The following CEP72 variants were observed in gnomAD, a reference collection of about 807,000 sequenced individuals.
CEP72 encodes the protein centrosomal protein 72, also known as centrosomal protein of 72 kDa.
A neutral mutation model predicts 65.7 loss-of-function variants in CEP72; 78 were observed. The ratio of observed to expected loss-of-function variants is 1.19; its 90% CI spans 0.99 to 1.43. CEP72 has a LOEUF of 1.43. Ranked by LOEUF, CEP72 falls within the 40% of genes most tolerant of loss-of-function variation. The probability of loss-of-function intolerance (pLI) is 0.00; values close to 1 mark genes in which losing one functional copy is unlikely to be tolerated. For synonymous variants in CEP72, 358 were observed against 351.7 expected (o/e 1.02, Z -0.20); for missense variants, 914 against 832.9 (o/e 1.10, Z -1.20).
At position 620,174 on chromosome 5, in the gene CEP72, G is replaced by A. The variant is rs144726752; in HGVS notation, c.316G>A (p.Val106Met). 11 of 1,614,078 alleles carry A rather than the reference G, an allele frequency of 6.8e-6. No homozygotes were observed. In the African/African-American group the frequency reaches 1.5e-4, roughly 22 times the overall value. Reference protein sequence around the residue: ...RLHALTELVDVDFRLNPVVKV... With the variant: ...RLHALTELVDMDFRLNPVVKV... ...CCACGCCTTAACCGAGCTCGTGGAT[G>A]TGGACTTCCGGCTGAACCCCGTGGT... Residue 106 changes from valine to methionine, a missense_variant, in exon 3 of 12, where the codon GTG (valine) becomes ATG (methionine). Physicochemically the swap from Val to Met is conservative, Grantham distance 21. Coordinates refer to ENST00000264935, the MANE Select transcript of CEP72 (RefSeq NM_018140.4).
At chr5:622,358 C>G (rs1199672387) in intron 3 of CEP72, among the ~76,000 whole-genome samples, 2 of 152,240 alleles carry the variant, frequency 1.3e-5, no homozygotes, top group Non-Finnish European at 2.9e-5. Context: ...TTTGCTCTTG[C>G]AGGAGCTCAG....
Position 649,995 on chromosome 5 carries a change from C to T in CEP72, c.1778+2079C>T, listed in dbSNP as rs1268218223. 6.2e-3 allele frequency among the ~76,000 whole-genome samples: 211 copies of T among 34,278 alleles called. 2 individuals are homozygous for T. The highest frequency in any genetic ancestry group is 0.021 in the African/African-American group (149 of 7,218). The allele number at this position is 34,278 out of a possible 152,430, so 22.5% of individuals were successfully genotyped here. On this transcript the variant is annotated intron_variant, in intron 11 of 11. Transcript: ENST00000264935. Reference sequence around the variant, plus strand: ...GTGAGGTGTGACTGTGAGGCGTGGACTGTGAGGCGTGGACTGTGAGGTGTG... The same window carrying T: ...GTGAGGTGTGACTGTGAGGCGTGGATTGTGAGGCGTGGACTGTGAGGTGTG...
At chr5:675,329 T>C in the CEP72 span, among the ~76,000 whole-genome samples, 1 of 28,152 alleles carries the variant, frequency 3.6e-5, no homozygotes, top group Admixed American at 5.4e-4. Flanking sequence ...TGGCCGGGGG[T>C]GCAGTGTGGC....
chr5:641,547 A>G (rs1371649726), intron 9 of CEP72: 22 of 984,988 alleles, frequency 2.2e-5, no homozygotes, highest in Non-Finnish European at 2.7e-5. Flanking sequence ...AAAACAACAC[A>G]GGCAGCCTCT....
chr5:638,708 C>T (rs1392832737), intron 7 of CEP72, among the ~76,000 whole-genome samples: 4 of 152,154 alleles, frequency 2.6e-5, no homozygotes, highest in South Asian at 2.1e-4. Flanking sequence ...GCGCCTGGCA[C>T]CCTCTACCAG....
At position 645,969 on chromosome 5, in the gene CEP72, T is replaced by A. The variant is rs1738392618; in HGVS notation, c.1666+1544T>A. Among the ~76,000 whole-genome samples, 4 of 151,838 alleles carry A rather than the reference T, an allele frequency of 2.6e-5. No homozygotes were observed. The highest frequency in any genetic ancestry group is 2.6e-4 in the Admixed American group (4 of 15,254). ...CACTCCTGCTCCCGTTGGCGCCCTG[T>A]GTGGATGGTGAATTCGGCTTCCTTA... On this transcript the variant is annotated intron_variant, in intron 10 of 11. Coordinates refer to ENST00000264935, the MANE Select transcript of CEP72 (RefSeq NM_018140.4). This position sits in a 1 kb window ranked among gnomAD's most constrained non-coding sequence, Gnocchi z 4.0.
chr5:639,373 T>G, intron 8 of CEP72, 149 bp downstream of exon 8: 68 of 832,602 alleles, frequency 8.2e-5, no homozygotes, highest in Non-Finnish European at 1.2e-4. Context: ...GCCTGGGCCC[T>G]CCCTGGCAGT....
rs796466414 is a variant in CEP72, at chr5:648,922, T to G, written c.1778+1006T>G. Among the ~76,000 whole-genome samples, 178 of 45,358 alleles carry G rather than the reference T, an allele frequency of 3.9e-3. 1 individual carries two copies. Among genetic ancestry groups the G allele is most frequent in the South Asian group, 0.027 (30 of 1,116 alleles). 29.8% of individuals were successfully genotyped at this position (45,358 alleles called of 152,430 possible). Reference sequence around the variant, plus strand: ...TGGACTGTGAGGGGTGACTGTGAGGTGTGACTGTGAGGTGTGACTGTGAGG... The same window carrying G: ...TGGACTGTGAGGGGTGACTGTGAGGGGTGACTGTGAGGTGTGACTGTGAGG... On this transcript the variant is annotated intron_variant, in intron 11 of 11. Coordinates refer to ENST00000264935, the MANE Select transcript of CEP72 (RefSeq NM_018140.4).
In CEP72 at chr5:666,157, G is replaced by C. The variant is rs201160165; in HGVS notation, n.592+58G>C. On this transcript the variant is annotated intron_variant and non_coding_transcript_variant, in intron 4 of 4. Transcript: ENST00000514507. ...GCACAGGCGACTTAGGGCTGGGCGC[G>C]GGCCGGCCCAGGGCTGCCCTCCCCA... The C allele has an allele frequency of 9.1e-6, 14 of 1,541,008 alleles. 1 individual carries two copies. The Admixed American group carries it at 2.6e-4, about 29-fold the overall frequency.
chr5:615,058 C>G (rs960278374), intron 1 of CEP72, among the ~76,000 whole-genome samples: 2 of 148,378 alleles, frequency 1.3e-5, no homozygotes, highest in African/African-American at 5.0e-5. Context: ...TTTTGAAGCT[C>G]TGTTTGTTGA....
At chr5:646,151 G>A (rs1015659840) in intron 10 of CEP72, among the ~76,000 whole-genome samples, 5 of 152,244 alleles carry the variant, frequency 3.3e-5, no homozygotes, top group African/African-American at 1.2e-4. Flanking sequence ...CTTCGTGGCT[G>A]TTTCCAGAAC....
intron 9 of CEP72, chr5:641,541 C>T: frequency 1.1e-6 from 1 of 930,070 alleles, no homozygotes; most frequent in Non-Finnish European, 1.2e-6. Context: ...CACAGCAAAA[C>T]AACACAGGCA....
the CEP72 span, among the ~76,000 whole-genome samples, chr5:675,536 G>GGTAC: frequency 3.1e-5 from 4 of 130,098 alleles, no homozygotes; most frequent in African/African-American, 1.1e-4. Context: ...TGTGGCCGGG[G>GGTAC]ATGCCGTGTG....
chr5:676,553 C>G, the CEP72 span: 1 of 152,076 alleles, frequency 6.6e-6, no homozygotes, highest in African/African-American at 2.4e-5. Context: ...TGAAATACAT[C>G]GGCCACAGGA....
At chr5:646,279 C>G (rs1246464158) in intron 10 of CEP72, among the ~76,000 whole-genome samples, 1 of 152,218 alleles carries the variant, frequency 6.6e-6, no homozygotes, top group African/African-American at 2.4e-5. Flanking sequence ...ACCCTCTTTT[C>G]TGACATTTCT....
intron 1 of CEP72, among the ~76,000 whole-genome samples, chr5:617,819 C>G (rs73734330): frequency 6.6e-6 from 1 of 152,116 alleles, no homozygotes; most frequent in Non-Finnish European, 1.5e-5. Flanking sequence ...GAGCCGAGAT[C>G]GCACCACGGT....
rs1196901238 is a variant in CEP72 at position 623,948 on chromosome 5, A to T, written c.404-523A>T. On this transcript the variant is annotated intron_variant, in intron 3 of 11. Coordinates refer to ENST00000264935, the MANE Select transcript of CEP72 (RefSeq NM_018140.4). This position sits in a 1 kb window ranked among gnomAD's most constrained non-coding sequence, Gnocchi z 5.3. ...GGGTTAAGATGTGTTGTAAGTTCCA[A>T]AGCGCCAAGGTTGAAGGCCTGGGGA... Among the ~76,000 whole-genome samples, 1 of 152,140 alleles carries T rather than the reference A, an allele frequency of 6.6e-6. No homozygotes were observed. The highest frequency in any genetic ancestry group is 2.4e-5 in the African/African-American group (1 of 41,432).
chr5:669,992 G>A (rs545469647), downstream of CEP72, among the ~76,000 whole-genome samples: 131 of 152,272 alleles, frequency 8.6e-4, no homozygotes, highest in Non-Finnish European at 1.5e-3. Flanking sequence ...CCAGCCCGGC[G>A]CCCTGCCCCA....
At chr5:654,661 A>G (rs1739322974), downstream of CEP72, among the ~76,000 whole-genome samples, 1 of 152,182 alleles carries the variant, frequency 6.6e-6, no homozygotes, top group Non-Finnish European at 1.5e-5. Context: ...TCATCACGTA[A>G]TTTATGTATG....
Sources: gnomAD v4.1 joint callset for allele counts (sites outside exome capture counted in the v4.1 genomes callset) on GRCh38, gnomAD v4.1.1 for gene constraint, Gnocchi (gnomAD v3.1) non-coding constraint, MANE v1.5 for transcripts, NCBI Gene and HGNC (gene_info 2026-07-23, HGNC 2026-07-21) for gene names.